Variants in LGSN observed in about 807,000 individuals in gnomAD.
LGSN encodes lengsin.
Under a neutral mutation model 19.5 loss-of-function variants are expected in LGSN, and 21 were observed. The observed-to-expected ratio is 1.07, with a 90% CI of 0.76 to 1.55. The LOEUF (loss-of-function observed/expected upper bound fraction) is 1.55. Among genes scored for constraint, LGSN ranks in the 40% most tolerant of loss-of-function variants. The pLI is 0.00. For synonymous variants in LGSN, 257 were observed against 215.6 expected, an observed-to-expected ratio of 1.19 and a Z score of -1.68; for missense variants, 673 against 608.5, an observed-to-expected ratio of 1.11 and a Z score of -1.12.
At chr6:63,420,592 A>G in the LGSN span, among the ~76,000 whole-genome samples, 3 of 152,252 alleles carry the variant, frequency 2.0e-5, no homozygotes, top group Non-Finnish European at 4.4e-5. Context: ...GTTAGGAGCC[A>G]GAATTCACAG....
the LGSN span, among the ~76,000 whole-genome samples, chr6:63,518,542 G>C: frequency 2.3e-4 from 35 of 152,248 alleles, no homozygotes; most frequent in Non-Finnish European, 2.9e-5. Context: ...AAAGAGGGTG[G>C]GGGCAATGTA....
At chr6:63,541,709 T>G in the LGSN span, among the ~76,000 whole-genome samples, 2 of 152,312 alleles carry the variant, frequency 1.3e-5, no homozygotes, top group African/African-American at 4.8e-5. Context: ...AAGCCCCTAC[T>G]GTCTCCATCC....
chr6:63,339,087 C>T, the LGSN span, among the ~76,000 whole-genome samples: 1 of 152,050 alleles, frequency 6.6e-6, no homozygotes, highest in Admixed American at 6.5e-5. Context: ...TGTTTTGTGG[C>T]CTAATATATA....
chr6:63,463,940 G>A, the LGSN span, among the ~76,000 whole-genome samples: 2 of 152,024 alleles, frequency 1.3e-5, no homozygotes, highest in African/African-American at 2.4e-5. Context: ...GGACAGTACC[G>A]AATTTCCAAT....
the LGSN span, among the ~76,000 whole-genome samples, chr6:63,552,761 A>G: frequency 2.7e-3 from 404 of 152,302 alleles, 1 homozygote; most frequent in African/African-American, 9.2e-3. Flanking sequence ...ATGGCTAGCC[A>G]GTTTTCCCAA....
the LGSN span, among the ~76,000 whole-genome samples, chr6:63,338,010 C>A: frequency 6.6e-6 from 1 of 151,966 alleles, no homozygotes. Flanking sequence ...CTCAGCCTCC[C>A]AAGTAGCTGG....
the LGSN span, chr6:63,548,984 A>G: frequency 1.4e-6 from 1 of 735,362 alleles, no homozygotes; most frequent in Admixed American, 1.9e-5. Flanking sequence ...CCCGCATTTT[A>G]TGACACAGGG....
chr6:63,478,567 T>C, the LGSN span, among the ~76,000 whole-genome samples: 8 of 152,102 alleles, frequency 5.3e-5, no homozygotes. Flanking sequence ...AGAGGTAAGC[T>C]GAAAAGAAGT....
chr6:63,492,370 T>C, the LGSN span, among the ~76,000 whole-genome samples: 6 of 152,252 alleles, frequency 3.9e-5, no homozygotes, highest in East Asian at 1.2e-3. Context: ...ATTAATTGCA[T>C]GGTTTCCACA....
chr6:63,319,884 T>C, intron 1 of LGSN, 30 bp downstream of exon 1: 1 of 1,544,826 alleles, frequency 6.5e-7, no homozygotes, highest in Non-Finnish European at 8.9e-7. Flanking sequence ...AATATTTTGG[T>C]TAAAAACATT....
At chr6:63,421,073 C>A in the LGSN span, among the ~76,000 whole-genome samples, 1 of 152,078 alleles carries the variant, frequency 6.6e-6, no homozygotes, top group Non-Finnish European at 1.5e-5. Flanking sequence ...AAGAAAACAA[C>A]AGAATAAAGG....
chr6:63,443,225 C>T, the LGSN span, among the ~76,000 whole-genome samples: 22 of 152,218 alleles, frequency 1.4e-4, no homozygotes, highest in African/African-American at 5.3e-4. Flanking sequence ...GTGGCGCTGG[C>T]AGGCTGCTCT....
At chr6:63,463,418 C>T in the LGSN span, among the ~76,000 whole-genome samples, 3 of 152,150 alleles carry the variant, frequency 2.0e-5, no homozygotes, top group African/African-American at 4.8e-5. Flanking sequence ...TCATCTGCCA[C>T]TCTTGTACAT....
At chr6:63,545,757 C>T in the LGSN span, among the ~76,000 whole-genome samples, 6 of 152,154 alleles carry the variant, frequency 3.9e-5, no homozygotes, top group South Asian at 2.1e-4. Context: ...TATTATTAGA[C>T]GTGCTCAAAA....
Position 63,296,371 on chromosome 6 carries a change from G to C in LGSN, c.31-1326C>G, listed in dbSNP as rs1036194952. Among the ~76,000 whole-genome samples the C allele has an allele frequency of 2.0e-5, 3 of 151,726 alleles. No homozygotes were observed. In the South Asian group the frequency reaches 6.2e-4, roughly 32 times the overall value. On this transcript the variant is annotated intron_variant, in intron 1 of 3. Transcript: ENST00000370657. The stretch of plus-strand genomic sequence containing the variant: ...GCATAAATTTTCCCAACACACTTCT[G>C]ATAGAATCTGGCAGAAATATAAAGC...
the LGSN span, among the ~76,000 whole-genome samples, chr6:63,570,555 C>A: frequency 6.6e-6 from 1 of 152,280 alleles, no homozygotes; most frequent in South Asian, 2.1e-4. Flanking sequence ...ATCTGTGGAT[C>A]ACAAGGCTCA....
the LGSN span, among the ~76,000 whole-genome samples, chr6:63,565,179 A>AT: frequency 1.1e-3 from 157 of 145,342 alleles, no homozygotes; most frequent in Non-Finnish European, 1.2e-3. Flanking sequence ...TGCCCAGATA[A>AT]TTTTTTTTTT....
At chr6:63,351,432 A>G in the LGSN span, among the ~76,000 whole-genome samples, 90 of 144,868 alleles carry the variant, frequency 6.2e-4, no homozygotes, top group Middle Eastern at 3.5e-3. Flanking sequence ...AGAGAGAGAG[A>G]GGAAGAGAGA....
chr6:63,485,673 T>C, the LGSN span, among the ~76,000 whole-genome samples: 2 of 152,156 alleles, frequency 1.3e-5, no homozygotes, highest in Non-Finnish European at 1.5e-5. Context: ...AATTCATTTT[T>C]CTCCATGACC....
Sources: gnomAD v4.1 joint callset for allele counts (sites outside exome capture counted in the v4.1 genomes callset) on GRCh38, gnomAD v4.1.1 for gene constraint, MANE v1.5 for transcripts, NCBI Gene and HGNC (gene_info 2026-07-23, HGNC 2026-07-21) for gene names.